DGKB: variants seen among roughly 807,000 people sequenced by gnomAD.
DGKB encodes the protein diacylglycerol kinase beta, also known as 90 kDa diacylglycerol kinase.
Under a neutral mutation model 114.3 loss-of-function variants are expected in DGKB, and 67 were observed. The observed-to-expected ratio is 0.59, with a 90% CI of 0.48 to 0.72. The LOEUF (loss-of-function observed/expected upper bound fraction) is 0.72. DGKB is among the 30% of genes least tolerant of loss of function. DGKB has a pLI of 0.00. For synonymous variants in DGKB, 398 were observed against 323.1 expected (o/e 1.23, Z -2.49); for missense variants, 907 against 975.2 (o/e 0.93, Z 0.93).
chr7:14,465,389 C>A (rs979710018), intron 21 of DGKB, among the ~76,000 whole-genome samples: 2 of 152,114 alleles, frequency 1.3e-5, no homozygotes, highest in African/African-American at 2.4e-5. Context: ...AAAGAACAAT[C>A]AAGGCAAAAT....
At chr7:14,314,453 G>A (rs1436814740) in intron 23 of DGKB, among the ~76,000 whole-genome samples, 10 of 151,886 alleles carry the variant, frequency 6.6e-5, no homozygotes, top group African/African-American at 2.2e-4. Flanking sequence ...TGATGGAGCT[G>A]AAAACCAAGG....
intron 21 of DGKB, among the ~76,000 whole-genome samples, chr7:14,430,108 A>G (rs989858579): frequency 1.3e-5 from 2 of 152,026 alleles, no homozygotes; most frequent in Admixed American, 1.3e-4. Context: ...ATTAAAGTAC[A>G]TAGTGTTTCT....
At chr7:14,940,547 C>T (rs1403673934) in intron 1 of DGKB, among the ~76,000 whole-genome samples, 1 of 152,066 alleles carries the variant, frequency 6.6e-6, no homozygotes, top group Non-Finnish European at 1.5e-5. Context: ...CCATATCCAG[C>T]TTGAGGTCAC....
intron 23 of DGKB, among the ~76,000 whole-genome samples, chr7:14,282,817 T>C (rs1800195913): frequency 6.6e-6 from 1 of 152,140 alleles, no homozygotes; most frequent in Non-Finnish European, 1.5e-5. Context: ...CAACAACCTT[T>C]CATGCTAAAA....
At chr7:14,843,075 A>C (rs1265928305) in intron 1 of DGKB, among the ~76,000 whole-genome samples, 3 of 151,918 alleles carry the variant, frequency 2.0e-5, no homozygotes, top group Non-Finnish European at 4.4e-5. Context: ...GTAGTGGTGC[A>C]CATCTGTGGT....
intron 21 of DGKB, among the ~76,000 whole-genome samples, chr7:14,373,908 G>A (rs1158498549): frequency 4.0e-5 from 6 of 151,732 alleles, no homozygotes; most frequent in East Asian, 1.9e-4. Context: ...CAACCAGTCC[G>A]CTGACATAGT....
chr7:14,773,845 T>C (rs1837765365), intron 2 of DGKB, among the ~76,000 whole-genome samples: 1 of 152,138 alleles, frequency 6.6e-6, no homozygotes, highest in South Asian at 2.1e-4. Flanking sequence ...TTACATCCTG[T>C]GTTGTTAGTG....
chr7:14,927,530 A>C (rs970770640), intron 1 of DGKB, among the ~76,000 whole-genome samples: 3 of 151,934 alleles, frequency 2.0e-5, no homozygotes, highest in Non-Finnish European at 4.4e-5. Flanking sequence ...AAACTATACA[A>C]AAAAAAGCAA....
intron 2 of DGKB, among the ~76,000 whole-genome samples, chr7:14,758,657 G>A (rs1346975731): frequency 6.6e-6 from 1 of 152,046 alleles, no homozygotes; most frequent in African/African-American, 2.4e-5. Flanking sequence ...TATAATTCTT[G>A]TTGACCTTCC....
At chr7:14,268,867 G>C (rs900746970) in intron 23 of DGKB, 2 of 152,184 alleles carry the variant, frequency 1.3e-5, no homozygotes, top group Non-Finnish European at 2.9e-5. Flanking sequence ...TAAGAGCAGT[G>C]TATTGGTTAT....
intron 21 of DGKB, among the ~76,000 whole-genome samples, chr7:14,366,789 G>T (rs955370983): frequency 1.3e-5 from 2 of 152,106 alleles, no homozygotes; most frequent in Non-Finnish European, 1.5e-5. Flanking sequence ...CTAAGTATCA[G>T]ATTTGAGCTT....
chr7:14,399,725 C>T (rs1822795630), intron 21 of DGKB, among the ~76,000 whole-genome samples: 1 of 151,762 alleles, frequency 6.6e-6, no homozygotes, highest in Non-Finnish European at 1.5e-5. Context: ...TTATGTGTTT[C>T]TAGAATGGCA....
chr7:14,791,253 T>C (rs1840628108), intron 2 of DGKB, among the ~76,000 whole-genome samples: 1 of 152,190 alleles, frequency 6.6e-6, no homozygotes, highest in South Asian at 2.1e-4. Flanking sequence ...AGAAATACAA[T>C]TGGCTTTGGG....
intron 1 of DGKB, among the ~76,000 whole-genome samples, chr7:14,942,001 G>C (rs1412068573): frequency 6.6e-6 from 1 of 152,008 alleles, no homozygotes; most frequent in Admixed American, 6.6e-5. Context: ...GCAACCGAAT[G>C]AAAGTCTTGT....
At chr7:14,737,755 C>T (rs1831951634) in intron 4 of DGKB, among the ~76,000 whole-genome samples, 1 of 151,758 alleles carries the variant, frequency 6.6e-6, no homozygotes, top group Non-Finnish European at 1.5e-5. Flanking sequence ...AGTAAAAAGA[C>T]TTCATTTTCT....
At chr7:14,711,975 T>C (rs905163424) in intron 6 of DGKB, among the ~76,000 whole-genome samples, 1 of 152,022 alleles carries the variant, frequency 6.6e-6, no homozygotes, top group Admixed American at 6.6e-5. Flanking sequence ...ACTACTACCA[T>C]CAGAAAAGTT....
intron 1 of DGKB, among the ~76,000 whole-genome samples, chr7:14,902,056 C>G (rs1205654695): frequency 3.3e-5 from 5 of 152,138 alleles, no homozygotes; most frequent in African/African-American, 1.2e-4. Context: ...ATCATATCAT[C>G]AGTGTGGCCT....
chr7:14,543,600 T>G (rs2128624855), intron 20 of DGKB, among the ~76,000 whole-genome samples: 1 of 152,346 alleles, frequency 6.6e-6, no homozygotes, highest in East Asian at 1.9e-4. Flanking sequence ...TGAACTTCAC[T>G]TCTCTTCAGT....
chr7:14,741,660 T>C (rs1832601018), intron 4 of DGKB, among the ~76,000 whole-genome samples: 1 of 152,184 alleles, frequency 6.6e-6, no homozygotes, highest in Admixed American at 6.5e-5. Context: ...AATCTTCCTT[T>C]CTCTGAGCTA....
Sources: allele counts gnomAD v4.1 joint callset (sites outside exome capture counted in the v4.1 genomes callset), GRCh38; gene constraint gnomAD v4.1.1; transcripts MANE v1.5; gene names NCBI Gene and HGNC (gene_info 2026-07-23, HGNC 2026-07-21).